Variants in AGBL3 observed in about 807,000 individuals in gnomAD.
The protein encoded by AGBL3 is cytosolic carboxypeptidase 3.
A neutral mutation model predicts 94.5 loss-of-function variants in AGBL3; 68 were observed. The ratio of observed to expected loss-of-function variants is 0.72; its 90% confidence interval spans 0.59 to 0.88. AGBL3 has a LOEUF of 0.88. AGBL3 is among the 40% of genes least tolerant of loss of function. The pLI, the probability that AGBL3 is intolerant of heterozygous loss-of-function variation, is 0.00. For missense variants in AGBL3, 934 were observed against 1,103.8 expected (o/e 0.85, Z 2.18); for synonymous variants, 354 against 370.7 (o/e 0.95, Z 0.52).
At chr7:135,079,063 G>A (rs1367130555) in intron 13 of AGBL3, among the ~76,000 whole-genome samples, 1 of 151,844 alleles carries the variant, frequency 6.6e-6, no homozygotes, top group East Asian at 1.9e-4. Context: ...ATATATTACT[G>A]TGGTCAGAAA....
intron 16 of AGBL3, among the ~76,000 whole-genome samples, chr7:135,117,906 A>G (rs1307343944): frequency 1.3e-5 from 2 of 152,162 alleles, no homozygotes; most frequent in African/African-American, 4.8e-5. Flanking sequence ...ATCTTTCTCT[A>G]TACTTTGGAA....
intron 13 of AGBL3, among the ~76,000 whole-genome samples, chr7:135,079,648 G>GTTA (rs1820756688): frequency 1.4e-5 from 2 of 139,454 alleles, no homozygotes; most frequent in Non-Finnish European, 1.5e-5. Context: ...TTTTTTTTTC[G>GTTA]GTAGAGGCGG....
At chr7:135,129,690 T>G in intron 16 of AGBL3, 1 of 774,162 alleles carries the variant, frequency 1.3e-6, no homozygotes, top group East Asian at 2.5e-5. Flanking sequence ...GATTGAAGAC[T>G]AGTTAACTAC....
At chr7:135,123,135 G>A (rs1167727122) in intron 16 of AGBL3, among the ~76,000 whole-genome samples, 1 of 152,184 alleles carries the variant, frequency 6.6e-6, no homozygotes, top group Non-Finnish European at 1.5e-5. Context: ...ATGCAAAGAA[G>A]CTAAGAACGT....
intron 12 of AGBL3, among the ~76,000 whole-genome samples, chr7:135,068,792 G>A (rs1009615827): frequency 6.6e-6 from 1 of 152,204 alleles, no homozygotes; most frequent in Non-Finnish European, 1.5e-5. Flanking sequence ...ATGCCAAATT[G>A]TAAAGACCAT....
chr7:134,990,145 G>T (rs1366822386), intron 3 of AGBL3, among the ~76,000 whole-genome samples: 1 of 152,092 alleles, frequency 6.6e-6, no homozygotes, highest in Non-Finnish European at 1.5e-5. Flanking sequence ...GGTCTGAATT[G>T]CCCATTTATA....
intron 13 of AGBL3, among the ~76,000 whole-genome samples, chr7:135,077,089 T>C (rs1035798534): frequency 6.6e-6 from 1 of 152,166 alleles, no homozygotes; most frequent in Non-Finnish European, 1.5e-5. Context: ...TCCACACTAG[T>C]GTAGACAAGA....
At chr7:135,089,015 T>C (rs540431588) in intron 15 of AGBL3, among the ~76,000 whole-genome samples, 19 of 152,180 alleles carry the variant, frequency 1.2e-4, no homozygotes, top group Non-Finnish European at 2.4e-4. Flanking sequence ...TGAATATTTG[T>C]TTGCTTAATG....
At chr7:134,993,824 T>A in intron 4 of AGBL3, 146 bp downstream of exon 4, 1 of 774,490 alleles carries the variant, frequency 1.3e-6, no homozygotes, top group Non-Finnish European at 1.8e-6. Flanking sequence ...TTAAATTTGC[T>A]TGTAGCCACA....
At chr7:135,040,279 G>C (rs1584918288) in intron 8 of AGBL3, among the ~76,000 whole-genome samples, 1 of 152,126 alleles carries the variant, frequency 6.6e-6, no homozygotes, top group East Asian at 1.9e-4. Context: ...ATCTTTCCCG[G>C]GATTACCATG....
chr7:135,126,730 T>C (rs4732103), intron 16 of AGBL3, among the ~76,000 whole-genome samples: 141,346 of 152,220 alleles, frequency 0.93, 66,448 homozygotes, highest in Non-Finnish European at 1. Flanking sequence ...CTACAACTAT[T>C]TGATCTTTGA....
At chr7:135,013,316 T>C (rs1813383622) in intron 4 of AGBL3, among the ~76,000 whole-genome samples, 2 of 152,142 alleles carry the variant, frequency 1.3e-5, no homozygotes, top group Admixed American at 6.5e-5. Context: ...GAATGTAAAA[T>C]TGCATAATCA....
intron 15 of AGBL3, among the ~76,000 whole-genome samples, chr7:135,098,721 G>A (rs189574518): frequency 3.3e-5 from 5 of 152,294 alleles, no homozygotes; most frequent in Admixed American, 3.3e-4. Context: ...TATCTCAAAG[G>A]CTGCAGGCAG....
At chr7:135,070,091 A>G (rs545939382) in intron 12 of AGBL3, among the ~76,000 whole-genome samples, 2 of 152,342 alleles carry the variant, frequency 1.3e-5, no homozygotes, top group East Asian at 3.9e-4. Flanking sequence ...AGAATACTAT[A>G]AACACCTCTA....
chr7:134,988,591 A>G (rs2732905), intron 2 of AGBL3, among the ~76,000 whole-genome samples: 6,822 of 152,212 alleles, frequency 0.045, 477 homozygotes, highest in African/African-American at 0.15. Flanking sequence ...TTAGCTATTT[A>G]AAGGATTTAT....
At chr7:135,035,976 C>A (rs1014733212) in intron 7 of AGBL3, among the ~76,000 whole-genome samples, 1 of 151,894 alleles carries the variant, frequency 6.6e-6, no homozygotes, top group Non-Finnish European at 1.5e-5. Flanking sequence ...GAGAAAAGGG[C>A]AATAAATTAA....
intron 5 of AGBL3, among the ~76,000 whole-genome samples, chr7:135,021,900 G>A (rs1218177859): frequency 1.3e-5 from 2 of 152,096 alleles, no homozygotes; most frequent in African/African-American, 2.4e-5. Context: ...TCCCACTTAT[G>A]AGTGAAAACA....
chr7:134,989,579 T>C (rs1809957053), intron 3 of AGBL3, among the ~76,000 whole-genome samples: 2 of 152,234 alleles, frequency 1.3e-5, no homozygotes, highest in Non-Finnish European at 2.9e-5. Context: ...ATGTATTGAC[T>C]GTATGACTCA....
intron 11 of AGBL3, among the ~76,000 whole-genome samples, chr7:135,054,438 G>A (rs1818156808): frequency 6.6e-6 from 1 of 152,250 alleles, no homozygotes; most frequent in East Asian, 1.9e-4. Flanking sequence ...TTTGATTTAA[G>A]CATTGATACA....
Sources: allele counts gnomAD v4.1 joint callset (sites outside exome capture counted in the v4.1 genomes callset), GRCh38; gene constraint gnomAD v4.1.1; transcripts MANE v1.5; gene names NCBI Gene and HGNC (gene_info 2026-07-23, HGNC 2026-07-21).